Variants in MYSM1 observed in about 807,000 individuals in gnomAD.
MYSM1 encodes Myb like, SWIRM and MPN domains 1.
MYSM1 carries 51 observed loss-of-function variants against 116.0 expected under a neutral mutation model. That is an observed-to-expected ratio of 0.44 (90% CI 0.35 to 0.56). MYSM1 has a LOEUF of 0.56. MYSM1 is among the 20% of genes least tolerant of loss of function. The pLI, the probability that MYSM1 is intolerant of heterozygous loss-of-function variation, is 0.00. For missense variants in MYSM1, 900 were observed against 974.9 expected (o/e 0.92, Z 1.02); for synonymous variants, 313 against 315.2 (o/e 0.99, Z 0.07).
At chr1:58,680,053 T>G (rs1644715948) in intron 8 of MYSM1, among the ~76,000 whole-genome samples, 1 of 146,242 alleles carries the variant, frequency 6.8e-6, no homozygotes. Flanking sequence ...AAAAAAAGGT[T>G]GTGAGCCACT....
chr1:58,693,894 C>T (rs150011302), intron 2 of MYSM1, among the ~76,000 whole-genome samples: 1,610 of 152,260 alleles, frequency 0.011, 19 homozygotes, highest in Non-Finnish European at 0.017. Flanking sequence ...TAGCATAATC[C>T]GACTCATAAG....
chr1:58,690,268 G>GA lies in MYSM1; in HGVS notation c.297-20dup, dbSNP rs747261637. 4.5e-6 allele frequency: 7 copies of GA among 1,571,832 alleles called. No homozygotes were observed. The highest frequency in any genetic ancestry group is 1.9e-5 in the Admixed American group (1 of 52,732). On this transcript the variant is annotated intron_variant, in intron 4 of 19. Transcript: ENST00000472487. ...CTGCAGACTGCATCACATGAAAAAA[G>GA]AAAATAAGGAAGCGTGTGAGGTTTC...
At chr1:58,663,552 A>G (rs1569701627) in intron 17 of MYSM1, among the ~76,000 whole-genome samples, 1 of 152,238 alleles carries the variant, frequency 6.6e-6, no homozygotes, top group African/African-American at 2.4e-5. Context: ...CCTAGGATTA[A>G]GATCTAATAC....
rs1644955602 is a variant in MYSM1, at chr1:58,695,095, C to T, written c.147+34G>A. 9.6e-6 allele frequency: 13 copies of T among 1,351,910 alleles called. No homozygotes were observed. In the East Asian group the frequency reaches 3.0e-4, roughly 31 times the overall value. 83.7% of individuals were successfully genotyped at this position (1,351,910 alleles called of 1,614,324 possible). On this transcript the variant is annotated intron_variant, in intron 2 of 19. Coordinates refer to ENST00000472487, the MANE Select transcript of MYSM1 (RefSeq NM_001085487.3). ...AAGCACTCTAGGCAATAAATAACAG[C>T]TTAATGCACCTGATATTTTTATAAA... is the stretch of plus-strand genomic sequence containing the variant.
chr1:58,669,053 A>G lies in MYSM1; in HGVS notation c.1662-15T>C. 2.6e-6 allele frequency: 4 copies of G among 1,559,020 alleles called. No individual in the cohort carries two copies. The highest frequency in any genetic ancestry group is 2.6e-6 in the Non-Finnish European group (3 of 1,148,426). ...GATCAAACGAGCTGAAAAAGAAAAA[A>G]AATTTTCAATACAATCTCAACAAGA... is the stretch of plus-strand genomic sequence containing the variant. On this transcript the variant is annotated splice_polypyrimidine_tract_variant and intron_variant, in intron 12 of 19. Transcript: ENST00000472487.
intron 17 of MYSM1, among the ~76,000 whole-genome samples, chr1:58,664,591 G>A (rs1644440817): frequency 6.6e-6 from 1 of 152,314 alleles, no homozygotes; most frequent in Admixed American, 6.5e-5. Flanking sequence ...TAACATGGGG[G>A]CAGTGCTGGT....
intron 14 of MYSM1, among the ~76,000 whole-genome samples, chr1:58,668,182 T>C (rs1382241795): frequency 6.6e-6 from 1 of 152,212 alleles, no homozygotes; most frequent in African/African-American, 2.4e-5. Flanking sequence ...AAAATGAAGA[T>C]ACCATTTACT....
In MYSM1 at chr1:58,661,412, G is replaced by A; in HGVS notation, c.2264C>T (p.Ser755Phe). 2 of 1,559,988 alleles carry A rather than the reference G, an allele frequency of 1.3e-6. No homozygotes were observed. The highest frequency in any genetic ancestry group is 8.8e-7 in the Non-Finnish European group (1 of 1,131,542). ...TRWIIEKYRLSHSSVPMDKIF... is the reference protein window; with the variant it reads ...TRWIIEKYRLFHSSVPMDKIF... ...CTCAAACCACAGTACATACCTATGG[G>A]AGAGCCTGTATTTTTCTATTATCCA... is the stretch of plus-strand genomic sequence containing the variant. Residue 755 changes from serine to phenylalanine, a missense_variant, in exon 18 of 20, where the codon TCC becomes TTC. Physicochemically the swap from Ser to Phe is radical, Grantham distance 155. Coordinates refer to ENST00000472487, the MANE Select transcript of MYSM1 (RefSeq NM_001085487.3).
intron 16 of MYSM1, among the ~76,000 whole-genome samples, chr1:58,666,144 T>C (rs1428016940): frequency 1.3e-5 from 2 of 151,684 alleles, no homozygotes; most frequent in East Asian, 3.9e-4. Context: ...CAGGCAAAAA[T>C]GTGTTCAACC....
In MYSM1 at chr1:58,675,533, T is replaced by C; in HGVS notation, c.1438A>G (p.Arg480Gly). The change falls in exon 10 of 20, where the codon AGA (arginine) becomes GGA (glycine). Residue 480 changes from arginine (R) to glycine (G), a missense_variant. Arg to Gly is a moderately radical substitution (Grantham distance 125). Around this residue, in one of 3 missense-constraint regions of MYSM1, gnomAD observed 622 missense variants for 623.7 expected, o/e 1.00. Transcript: ENST00000472487. The stretch of plus-strand genomic sequence containing the variant: ...GCTTCTACTGCATCTTTTCTGTCTC[T>C]GATTCGTACTTTGTCAACTGTTTGT... Reference protein sequence around the residue: ...RPQTVDKVRIRDRKDAVEAYQ... With the variant: ...RPQTVDKVRIGDRKDAVEAYQ... The C allele has an allele frequency of 6.2e-7, 1 of 1,613,802 alleles. No homozygotes were observed. The highest frequency in any genetic ancestry group is 8.5e-7 in the Non-Finnish European group (1 of 1,179,854).
rs764018389 is a variant in MYSM1 at position 58,655,501 on chromosome 1, T to C, written c.*4496A>G. 2.6e-5 allele frequency: 4 copies of C among 152,168 alleles called. No individual in the cohort carries two copies. The highest frequency in any genetic ancestry group is 5.9e-5 in the Non-Finnish European group (4 of 68,028). The allele number at this position is 152,168 out of a possible 1,614,324, so 9.4% of individuals were successfully genotyped here. A position where few individuals can be genotyped will look rare whatever the true frequency, so the allele number is the denominator to read the frequency against. ...TTTCCTGATTTAGTGGAGGCAACTA[T>C]TTATTCCCTCCCTTGTTCCAGGAAA... On this transcript the variant is annotated 3_prime_UTR_variant, in exon 20 of 20. Transcript: ENST00000472487.
rs1262040920 is a variant in MYSM1 at position 58,689,945 on chromosome 1, C to T, written c.320+281G>A. Among the ~76,000 whole-genome samples, 6 of 152,204 alleles carry T rather than the reference C, an allele frequency of 3.9e-5. No homozygotes were observed. The East Asian group carries it at 1.2e-3, about 29-fold the overall frequency. On this transcript the variant is annotated intron_variant, in intron 5 of 19. Transcript: ENST00000472487. ...AAATCAAGTCAATTCCAATATATCA[C>T]ATAACAGCTTCTCAAAATTTCCCCA...
At chr1:58,670,284 C>G (rs1644540897) in intron 12 of MYSM1, among the ~76,000 whole-genome samples, 1 of 152,140 alleles carries the variant, frequency 6.6e-6, no homozygotes, top group South Asian at 2.1e-4. Flanking sequence ...GAAAGAACAT[C>G]CTGGAGTACT....
rs1644351214 is a variant in MYSM1, at chr1:58,658,771, G to A, written c.*1226C>T. On this transcript the variant is annotated 3_prime_UTR_variant, in exon 20 of 20. Transcript: ENST00000472487. Reference sequence around the variant, plus strand: ...GACTGCTTATTTTATTTTAAAATTGGCTTAAATGCAGATCATAATTCTGAG... The same window carrying A: ...GACTGCTTATTTTATTTTAAAATTGACTTAAATGCAGATCATAATTCTGAG... 1 of 151,970 alleles carries A rather than the reference G, an allele frequency of 6.6e-6. No homozygotes were observed. 9.4% of individuals were successfully genotyped at this position (151,970 alleles called of 1,614,324 possible). A position where few individuals can be genotyped will look rare whatever the true frequency, so the allele number is the denominator to read the frequency against.
chr1:58,687,500 A>G (rs1293001763), intron 6 of MYSM1, among the ~76,000 whole-genome samples: 1 of 152,166 alleles, frequency 6.6e-6, no homozygotes, highest in East Asian at 1.9e-4. Flanking sequence ...CTATTTGCAG[A>G]TGTAAGCATA....
At chr1:58,699,623 C>T in intron 1 of MYSM1, 1 of 985,214 alleles carries the variant, frequency 1.0e-6, no homozygotes, top group Non-Finnish European at 1.2e-6. Flanking sequence ...AGTCCCTGAC[C>T]TCAGGTCTCG....
intron 12 of MYSM1, among the ~76,000 whole-genome samples, chr1:58,669,857 A>AAAAAAAAAAAAAAAAC (rs1553135842): frequency 1.2e-5 from 1 of 86,060 alleles, no homozygotes; most frequent in Non-Finnish European, 2.3e-5. Context: ...AAAAAAAAAA[A>AAAAAAAAAAAAAAAAC]AAAAACAAAA....
chr1:58,692,595 T>C, intron 3 of MYSM1: 1 of 276,508 alleles, frequency 3.6e-6, no homozygotes, highest in Non-Finnish European at 6.7e-6. Context: ...AAATATTCTA[T>C]CATTTCTACT....
intron 6 of MYSM1, among the ~76,000 whole-genome samples, chr1:58,688,509 A>G (rs1449699377): frequency 6.6e-6 from 1 of 151,792 alleles, no homozygotes; most frequent in African/African-American, 2.4e-5. Context: ...TATCTTTTCC[A>G]TTATGCAACT....
Sources: allele counts gnomAD v4.1 joint callset (sites outside exome capture counted in the v4.1 genomes callset), GRCh38; gene constraint gnomAD v4.1.1; regional missense constraint gnomAD v4.1.1; transcripts MANE v1.5; gene names NCBI Gene and HGNC (gene_info 2026-07-23, HGNC 2026-07-21).